Variants in ATRNL1 observed in about 807,000 individuals in gnomAD.
The protein encoded by ATRNL1 is attractin like 1, also known as attractin-like protein 1.
A neutral mutation model predicts 182.7 loss-of-function variants in ATRNL1; 95 were observed. That is an observed-to-expected ratio of 0.52 (90% confidence interval 0.44 to 0.62). The LOEUF is 0.62. ATRNL1 is among the 20% of genes least tolerant of loss of function. The pLI is 0.00. For synonymous variants in ATRNL1, 576 were observed against 568.3 expected (o/e 1.01, Z -0.19); for missense variants, 1,471 against 1,679.5 (o/e 0.88, Z 2.17).
intron 25 of ATRNL1, among the ~76,000 whole-genome samples, chr10:115,534,002 C>G (rs1310759852): frequency 6.7e-6 from 1 of 148,240 alleles, no homozygotes; most frequent in East Asian, 1.9e-4. Context: ...TTTACATTTG[C>G]TGAGGAGAGC....
chr10:115,573,277 G>A (rs1181475671), intron 26 of ATRNL1, among the ~76,000 whole-genome samples: 1 of 152,104 alleles, frequency 6.6e-6, no homozygotes, highest in Non-Finnish European at 1.5e-5. Flanking sequence ...CTAGTGGCCG[G>A]ACTCTTTCCT....
intron 27 of ATRNL1, among the ~76,000 whole-genome samples, chr10:115,808,992 T>C (rs1331095080): frequency 6.6e-6 from 1 of 152,166 alleles, no homozygotes; most frequent in African/African-American, 2.4e-5. Context: ...GTCTGTATTG[T>C]ATTTTGGCAC....
chr10:115,784,349 T>A (rs1593212558), intron 27 of ATRNL1, among the ~76,000 whole-genome samples: 1 of 152,290 alleles, frequency 6.6e-6, no homozygotes, highest in East Asian at 1.9e-4. Context: ...TAAGACATAA[T>A]GTCAATAAAA....
chr10:115,631,060 G>A (rs1858472562), intron 26 of ATRNL1, among the ~76,000 whole-genome samples: 1 of 151,636 alleles, frequency 6.6e-6, no homozygotes, highest in Non-Finnish European at 1.5e-5. Flanking sequence ...ACCAGGGGTG[G>A]GGAGGGGGGT....
At chr10:115,658,516 T>C (rs1565257912) in intron 26 of ATRNL1, among the ~76,000 whole-genome samples, 1 of 152,048 alleles carries the variant, frequency 6.6e-6, no homozygotes, top group Non-Finnish European at 1.5e-5. Flanking sequence ...CCTTTTTTAG[T>C]GATAGGAATA....
intron 19 of ATRNL1, among the ~76,000 whole-genome samples, chr10:115,335,210 A>G (rs1015709704): frequency 6.6e-6 from 1 of 152,128 alleles, no homozygotes; most frequent in African/African-American, 2.4e-5. Context: ...GAAATCCTTC[A>G]TTATCTCTAG....
chr10:115,635,071 C>T (rs782739562), intron 26 of ATRNL1, among the ~76,000 whole-genome samples: 27 of 151,960 alleles, frequency 1.8e-4, no homozygotes, highest in Non-Finnish European at 2.5e-4. Context: ...TTTTCATGAC[C>T]TTGGAGTAGG....
intron 19 of ATRNL1, among the ~76,000 whole-genome samples, chr10:115,358,390 T>C (rs1208750362): frequency 1.3e-5 from 2 of 151,682 alleles, no homozygotes; most frequent in African/African-American, 4.8e-5. Flanking sequence ...CCAGATAACT[T>C]TTCTTGCTTT....
chr10:115,894,169 C>T (rs939293530), intron 28 of ATRNL1, among the ~76,000 whole-genome samples: 1 of 152,064 alleles, frequency 6.6e-6, no homozygotes, highest in East Asian at 1.9e-4. Context: ...AAAGATGCAC[C>T]AAAGGGCATT....
intron 24 of ATRNL1, among the ~76,000 whole-genome samples, chr10:115,494,593 A>G (rs782165790): frequency 3.3e-5 from 5 of 152,126 alleles, no homozygotes; most frequent in Admixed American, 6.6e-5. Context: ...ATATATTCAG[A>G]TGATTATGTG....
chr10:115,150,520 G>T (rs985030580), intron 5 of ATRNL1, among the ~76,000 whole-genome samples: 2 of 151,712 alleles, frequency 1.3e-5, no homozygotes, highest in African/African-American at 2.4e-5. Flanking sequence ...ATAGCTTTTA[G>T]TATGTTATGT....
At chr10:115,132,550 G>C (rs1477217248) in intron 5 of ATRNL1, among the ~76,000 whole-genome samples, 8 of 152,176 alleles carry the variant, frequency 5.3e-5, no homozygotes, top group Non-Finnish European at 8.8e-5. Flanking sequence ...CCCACCAACA[G>C]TGTAAAAGTG....
intron 25 of ATRNL1, 46 bp downstream of exon 25, chr10:115,519,370 C>G: frequency 6.9e-7 from 1 of 1,441,066 alleles, no homozygotes; most frequent in Non-Finnish European, 9.7e-7. Context: ...AGCCTGTATT[C>G]TGATATATGT....
At chr10:115,125,156 A>G (rs1393071036) in intron 3 of ATRNL1, among the ~76,000 whole-genome samples, 1 of 152,228 alleles carries the variant, frequency 6.6e-6, no homozygotes. Flanking sequence ...ACATTACCCC[A>G]AAACAGCAAT....
intron 4 of ATRNL1, 112 bp downstream of exon 4, chr10:115,127,833 G>T: frequency 1.4e-6 from 1 of 722,820 alleles, no homozygotes; most frequent in Non-Finnish European, 2.0e-6. Context: ...AGGCTACCGT[G>T]TTAAATTTCA....
intron 27 of ATRNL1, among the ~76,000 whole-genome samples, chr10:115,778,211 A>G (rs73379774): frequency 0.031 from 4,659 of 152,268 alleles, 258 homozygotes; most frequent in African/African-American, 0.1. Flanking sequence ...GAGGGTTACT[A>G]TGAATGAAAT....
At chr10:115,245,087 A>G (rs546303801) in intron 10 of ATRNL1, among the ~76,000 whole-genome samples, 1 of 152,346 alleles carries the variant, frequency 6.6e-6, no homozygotes, top group Admixed American at 6.5e-5. Context: ...CTAAATCAGT[A>G]AAAACTAAAA....
chr10:115,588,664 A>G (rs1225300103), intron 26 of ATRNL1, among the ~76,000 whole-genome samples: 1 of 152,146 alleles, frequency 6.6e-6, no homozygotes, highest in African/African-American at 2.4e-5. Flanking sequence ...GTCCCCAGGT[A>G]GGGTTTGTGT....
At chr10:115,136,878 T>C (rs1845538160) in intron 5 of ATRNL1, among the ~76,000 whole-genome samples, 1 of 152,184 alleles carries the variant, frequency 6.6e-6, no homozygotes, top group South Asian at 2.1e-4. Context: ...GTAAAATTTG[T>C]TTAAATTTTA....
Sources: gnomAD v4.1 joint callset for allele counts (sites outside exome capture counted in the v4.1 genomes callset) on GRCh38, gnomAD v4.1.1 for gene constraint, MANE v1.5 for transcripts, NCBI Gene and HGNC (gene_info 2026-07-23, HGNC 2026-07-21) for gene names.